TJP3: variants seen among roughly 807,000 people sequenced by gnomAD.
TJP3 encodes the protein tight junction protein 3, also known as tight junction protein ZO-3.
Under a neutral mutation model 104.2 loss-of-function variants are expected in TJP3, and 85 were observed. The observed-to-expected ratio is 0.82, with a 90% CI of 0.68 to 0.98. The LOEUF is 0.98. TJP3 is among the 50% of genes least tolerant of loss of function. TJP3 has a pLI of 0.00. For synonymous variants in TJP3, 550 were observed against 550.6 expected (o/e 1.00, Z 0.02); for missense variants, 1,367 against 1,322.8 (o/e 1.03, Z -0.52).
chr19:3,714,818 CTCCAGAACTCCACCT>C (rs1308580013), intron 1 of TJP3, among the ~76,000 whole-genome samples: 1 of 152,058 alleles, frequency 6.6e-6, no homozygotes, highest in African/African-American at 2.4e-5. Context: ...CCAGGGAGGC[CTCCAGAACTCCACCT>C]TCCCTGGGTC....
intron 18 of TJP3, 67 bp from the exon 19 acceptor site, chr19:3,747,727 G>A (rs1352739924): frequency 2.1e-6 from 3 of 1,454,354 alleles, no homozygotes; most frequent in Admixed American, 4.9e-5. Context: ...TGAAGGTGGG[G>A]GGATGTCGTG....
chr19:3,728,778 C>A (rs1055048968), intron 3 of TJP3, 65 bp downstream of exon 3: 1 of 1,515,632 alleles, frequency 6.6e-7, no homozygotes, highest in South Asian at 1.2e-5. Context: ...CCAGGCCAGG[C>A]ACAGTGACTC....
chr19:3,712,898 T>C (rs995721167), intron 1 of TJP3, among the ~76,000 whole-genome samples: 7 of 150,684 alleles, frequency 4.6e-5, no homozygotes, highest in African/African-American at 1.7e-4. Context: ...TGCAGTGAGC[T>C]ATGATTGCAC....
At position 3,736,207 on chromosome 19, in the gene TJP3, G is replaced by C. The variant is rs1309384235; in HGVS notation, c.1170G>C (p.Lys390Asn). 1 of 1,598,894 alleles carries C rather than the reference G, an allele frequency of 6.3e-7. No individual in the cohort carries two copies. The change falls in exon 11 of 21, where the codon AAG becomes AAC. Residue 390 changes from lysine to asparagine, a missense_variant. Coordinates refer to ENST00000541714, the MANE Select transcript of TJP3 (RefSeq NM_001267560.2). ...DTRVVRFLKG[K>N]SIGLRLAGGN... ...GTGTGGTCCGCTTCCTCAAGGGCAA[G>C]AGCATCGGGCTGCGGCTGGCAGGGG... is the stretch of plus-strand genomic sequence containing the variant.
At chr19:3,738,511 G>A in intron 11 of TJP3, 44 bp from the exon 12 acceptor site, 1 of 1,553,536 alleles carries the variant, frequency 6.4e-7, no homozygotes. Flanking sequence ...GCACGCCCAA[G>A]AGGTACCAGA....
In TJP3 at chr19:3,750,692, A is replaced by C. The variant is rs1046278; in HGVS notation, c.*8A>C. On this transcript the variant is annotated 3_prime_UTR_variant, in exon 21 of 21. Transcript: ENST00000541714. ...CCGGCCACTGACCTGTGACCTCTCG[A>C]AGGCTGCCAGCTGGTCCGTCCTCCT... is the stretch of plus-strand genomic sequence containing the variant. 878,424 of 1,584,462 alleles carry C rather than the reference A, an allele frequency of 0.55. 245,217 individuals carry two copies. The highest frequency in any genetic ancestry group is 0.7 in the Admixed American group (38,790 of 55,408).
chr19:3,730,213 G>A lies in TJP3; in HGVS notation c.261+83G>A, dbSNP rs1330548746. The A allele has an allele frequency of 6.5e-7, 1 of 1,538,122 alleles. No homozygotes were observed. Among genetic ancestry groups the A allele is most frequent in the Non-Finnish European group, 9.0e-7 (1 of 1,114,686 alleles). On this transcript the variant is annotated intron_variant, in intron 4 of 20. Transcript: ENST00000541714. The surrounding 1 kb of genome is among the most constrained non-coding windows in gnomAD (Gnocchi z 7.3). The stretch of plus-strand genomic sequence containing the variant: ...CTGTGGGGGTTGTAAGCTTCTGAGA[G>A]CAAGGAGTCATCTTCTCATCTTACA...
chr19:3,715,914 G>A (rs1216220182), intron 1 of TJP3, among the ~76,000 whole-genome samples: 1 of 152,000 alleles, frequency 6.6e-6, no homozygotes, highest in African/African-American at 2.4e-5. Context: ...GAGTAGCTGG[G>A]ATTACAGGCA....
intron 15 of TJP3, among the ~76,000 whole-genome samples, chr19:3,744,413 C>T (rs1269597983): frequency 1.3e-5 from 2 of 152,192 alleles, no homozygotes; most frequent in Non-Finnish European, 2.9e-5. Context: ...TGCCTGTAAT[C>T]CCAGCACTTT....
At chr19:3,721,424 A>G (rs1217433493) in intron 1 of TJP3, among the ~76,000 whole-genome samples, 1 of 152,172 alleles carries the variant, frequency 6.6e-6, no homozygotes, top group African/African-American at 2.4e-5. Flanking sequence ...ACAAGCTTCT[A>G]ATCCAAGAGG....
chr19:3,744,127 G>T, intron 15 of TJP3, 93 bp downstream of exon 15: 1 of 1,193,426 alleles, frequency 8.4e-7, no homozygotes. Context: ...AATAATGATG[G>T]CAAACATGAA....
intron 1 of TJP3, among the ~76,000 whole-genome samples, chr19:3,717,751 T>A (rs575764397): frequency 1.3e-5 from 2 of 151,620 alleles, no homozygotes; most frequent in Non-Finnish European, 2.9e-5. Context: ...TTTTTAAAAA[T>A]TTTTGTGGAT....
chr19:3,709,051 T>C (rs942458514), intron 1 of TJP3, among the ~76,000 whole-genome samples: 6 of 152,116 alleles, frequency 3.9e-5, no homozygotes, highest in Non-Finnish European at 8.8e-5. Context: ...CCCCAACCCC[T>C]CACCCTGTTC....
chr19:3,735,660 C>A, intron 9 of TJP3, 21 bp downstream of exon 9: 1 of 1,613,904 alleles, frequency 6.2e-7, no homozygotes, highest in Non-Finnish European at 8.5e-7. Flanking sequence ...ACTCTGAGCA[C>A]CCCTGTCCCT....
rs773160719 is a variant in TJP3 at position 3,730,011 on chromosome 19, C to G, written c.159-17C>G. The G allele has an allele frequency of 6.2e-7, 1 of 1,610,126 alleles. No individual in the cohort carries two copies. The highest frequency in any genetic ancestry group is 8.5e-7 in the Non-Finnish European group (1 of 1,176,556). ...CCCTGCAAAGCCTCCTCCGTAAGAC[C>G]CGCCCTCCTCTCTCAGGACAGGCGA... On this transcript the variant is annotated splice_polypyrimidine_tract_variant and intron_variant, in intron 3 of 20. Coordinates refer to ENST00000541714, the MANE Select transcript of TJP3 (RefSeq NM_001267560.2). This position sits in a 1 kb window ranked among gnomAD's most constrained non-coding sequence, Gnocchi z 7.3.
intron 11 of TJP3, 104 bp downstream of exon 11, chr19:3,736,425 G>C: frequency 2.5e-6 from 3 of 1,200,790 alleles, no homozygotes; most frequent in Admixed American, 3.4e-5. Context: ...CCTGGGGACT[G>C]TCGAGACCCC....
intron 1 of TJP3, among the ~76,000 whole-genome samples, chr19:3,712,923 C>T (rs890058423): frequency 4.6e-4 from 69 of 150,076 alleles, no homozygotes; most frequent in Non-Finnish European, 8.9e-4. Context: ...GCACTCCAGC[C>T]TAGGTGACAG....
At chr19:3,718,108 A>G (rs2036500124) in intron 1 of TJP3, among the ~76,000 whole-genome samples, 3 of 144,064 alleles carry the variant, frequency 2.1e-5, no homozygotes, top group South Asian at 2.3e-4. Flanking sequence ...CGGGAGGCTG[A>G]GGCAGGAGAA....
chr19:3,713,501 G>A (rs2036450925), intron 1 of TJP3, among the ~76,000 whole-genome samples: 1 of 152,190 alleles, frequency 6.6e-6, no homozygotes, highest in Non-Finnish European at 1.5e-5. Flanking sequence ...ACTACCAGGT[G>A]GGATCCTGGA....
Sources: gnomAD v4.1 joint callset for allele counts (sites outside exome capture counted in the v4.1 genomes callset) on GRCh38, gnomAD v4.1.1 for gene constraint, Gnocchi (gnomAD v3.1) non-coding constraint, MANE v1.5 for transcripts, NCBI Gene and HGNC (gene_info 2026-07-23, HGNC 2026-07-21) for gene names.